DUXA: variants seen among roughly 807,000 people sequenced by gnomAD.
The protein encoded by DUXA is double homeobox A, also known as double homeobox protein A.
In DUXA, 25 loss-of-function variants were observed where a neutral mutation model predicts 27.5. The observed-to-expected ratio is 0.91, with a 90% CI of 0.66 to 1.27. The LOEUF is 1.27. DUXA is among the 50% of genes most tolerant of loss of function. The pLI is 0.00. For synonymous variants in DUXA, 90 were observed against 80.5 expected (o/e 1.12, Z -0.63); for missense variants, 247 against 242.9 (o/e 1.02, Z -0.11).
Position 57,167,433 on chromosome 19 carries a change from T to A in DUXA, c.11A>T (p.Asp4Val), listed in dbSNP as rs371288856. Reference protein sequence around the residue: MAEDTYSHKMVKTN... With the variant: MAEVTYSHKMVKTN... ...AGGGAACTTACTGTGTGAATAGGTG[T>A]CTTCGGCCATGCTGGAAGAGAGTCC... The change falls in exon 1 of 6, where the codon GAC (aspartate) becomes GTC (valine). Residue 4 changes from aspartate (D) to valine (V), a missense_variant. Asp to Val is a radical substitution (Grantham distance 152). Transcript: ENST00000554048. 1.4e-5 allele frequency: 23 copies of A among 1,613,584 alleles called. No homozygotes were observed. The highest frequency in any genetic ancestry group is 1.9e-5 in the Non-Finnish European group (23 of 1,179,892).
At chr19:57,161,960 G>C (rs1018523410) in intron 1 of DUXA, among the ~76,000 whole-genome samples, 1 of 152,030 alleles carries the variant, frequency 6.6e-6, no homozygotes. Flanking sequence ...CGCAATCATG[G>C]CACACTGCAG....
chr19:57,158,598 T>C, intron 3 of DUXA, 125 bp from the exon 4 acceptor site: 2 of 1,163,360 alleles, frequency 1.7e-6, no homozygotes, highest in Non-Finnish European at 2.4e-6. Context: ...TGACTCCTCC[T>C]GAGAGGATCT....
chr19:57,155,477 C>CT, intron 4 of DUXA, 105 bp from the exon 5 acceptor site: 1 of 837,426 alleles, frequency 1.2e-6, no homozygotes. Flanking sequence ...ACAGCGGTCT[C>CT]TCTCAGAGTA....
In DUXA at chr19:57,154,347, A is replaced by G. The variant is rs541461914; in HGVS notation, c.*65T>C. The G allele has an allele frequency of 6.8e-7, 1 of 1,470,560 alleles. No individual in the cohort carries two copies. The highest frequency in any genetic ancestry group is 9.5e-7 in the Non-Finnish European group (1 of 1,053,088). 91.1% of individuals were successfully genotyped at this position (1,470,560 alleles called of 1,614,324 possible). On this transcript the variant is annotated 3_prime_UTR_variant, in exon 6 of 6. Coordinates refer to ENST00000554048, the MANE Select transcript of DUXA (RefSeq NM_001012729.2). Reference sequence around the variant, plus strand: ...AGTTTCAGCAGAAGGATAGACTCCCAGGAAGACCGTGAGACAGATTTGGGG... The same window carrying G: ...AGTTTCAGCAGAAGGATAGACTCCCGGGAAGACCGTGAGACAGATTTGGGG...
At chr19:57,160,530 T>G in intron 2 of DUXA, 113 bp downstream of exon 2, 11 of 1,285,640 alleles carry the variant, frequency 8.6e-6, no homozygotes, top group Non-Finnish European at 1.1e-5. Flanking sequence ...GAGGGTCAGT[T>G]GAGATACTCC....
At chr19:57,155,435 T>C in intron 4 of DUXA, 63 bp from the exon 5 acceptor site, 1 of 1,283,290 alleles carries the variant, frequency 7.8e-7, no homozygotes, top group East Asian at 2.3e-5. Context: ...TCATGATTGC[T>C]TTCTTCTCTT....
At chr19:57,162,195 A>G (rs899571358) in intron 1 of DUXA, among the ~76,000 whole-genome samples, 1 of 151,930 alleles carries the variant, frequency 6.6e-6, no homozygotes, top group Admixed American at 6.6e-5. Context: ...GCCGGAGCAT[A>G]TTTTTTTTAC....
intron 1 of DUXA, among the ~76,000 whole-genome samples, chr19:57,162,978 C>A (rs1240676634): frequency 3.3e-5 from 5 of 151,758 alleles, no homozygotes; most frequent in Non-Finnish European, 5.9e-5. Context: ...TCCTCTTGAA[C>A]CTTGACCTCA....
intron 3 of DUXA, 61 bp downstream of exon 3, chr19:57,159,106 T>A: frequency 7.0e-7 from 1 of 1,438,412 alleles, no homozygotes; most frequent in Non-Finnish European, 9.6e-7. Context: ...TTTTTCAAAG[T>A]CGCAGTTGGC....
chr19:57,160,855 T>G, intron 1 of DUXA, 58 bp from the exon 2 acceptor site: 1 of 1,588,860 alleles, frequency 6.3e-7, no homozygotes. Flanking sequence ...TACTCAAACT[T>G]CAGGTTCAAG....
intron 1 of DUXA, among the ~76,000 whole-genome samples, chr19:57,165,224 G>A (rs2087045214): frequency 6.7e-6 from 1 of 149,180 alleles, no homozygotes; most frequent in African/African-American, 2.5e-5. Flanking sequence ...TTGAGAAATT[G>A]ATCCTCTCTG....
chr19:57,165,319 AAAAAAAT>A (rs1416840199), intron 1 of DUXA, among the ~76,000 whole-genome samples: 3 of 109,900 alleles, frequency 2.7e-5, no homozygotes, highest in Non-Finnish European at 4.1e-5. Context: ...GAAAAAAAAA[AAAAAAAT>A]ATATATATAT....
intron 5 of DUXA, among the ~76,000 whole-genome samples, chr19:57,154,712 C>A (rs111384433): frequency 9.2e-5 from 14 of 152,134 alleles, no homozygotes; most frequent in Non-Finnish European, 1.3e-4. Flanking sequence ...TACAGGCGCC[C>A]GCCACCACGC....
At chr19:57,163,947 G>A (rs1335619496) in intron 1 of DUXA, among the ~76,000 whole-genome samples, 1 of 152,060 alleles carries the variant, frequency 6.6e-6, no homozygotes, top group Non-Finnish European at 1.5e-5. Flanking sequence ...GGGCGTAGGT[G>A]GCTCACACCT....
intron 2 of DUXA, among the ~76,000 whole-genome samples, chr19:57,159,769 A>T (rs895674329): frequency 6.6e-6 from 1 of 151,284 alleles, no homozygotes; most frequent in Non-Finnish European, 1.5e-5. Flanking sequence ...ACATTGTGTG[A>T]CACCATAATC....
Position 57,159,131 on chromosome 19 carries a change from G to T in DUXA, c.292+36C>A, listed in dbSNP as rs556459009. ...TCGCAGTTGGCTCCGCCGTAGAGAA[G>T]CTCTGCTGGGGAACAGAACTAAGAG... On this transcript the variant is annotated intron_variant, in intron 3 of 5. Transcript: ENST00000554048. 5.1e-6 allele frequency: 8 copies of T among 1,571,588 alleles called. No individual in the cohort carries two copies. The South Asian group carries it at 8.0e-5, about 16-fold the overall frequency.
intron 1 of DUXA, among the ~76,000 whole-genome samples, chr19:57,165,776 G>T (rs1242569145): frequency 7.5e-6 from 1 of 133,504 alleles, no homozygotes; most frequent in African/African-American, 2.8e-5. Context: ...CTGCACTCCA[G>T]CCTGGGCGAG....
In DUXA at chr19:57,154,380, G is replaced by A; in HGVS notation, c.*32C>T. ...CGTGAGACAGATTTGGGGTCCAGTT[G>A]ATATTATCAAGTACACTGAATTTGA... On this transcript the variant is annotated 3_prime_UTR_variant, in exon 6 of 6. Transcript: ENST00000554048. The A allele has an allele frequency of 6.3e-7, 1 of 1,594,338 alleles. No homozygotes were observed. The highest frequency in any genetic ancestry group is 8.6e-7 in the Non-Finnish European group (1 of 1,162,702).
intron 4 of DUXA, 58 bp downstream of exon 4, chr19:57,158,270 T>C: frequency 5.0e-6 from 8 of 1,591,126 alleles, no homozygotes; most frequent in Non-Finnish European, 6.9e-6. Flanking sequence ...CCATGTGGCT[T>C]CCCTTCCTGT....
Sources: allele counts gnomAD v4.1 joint callset (sites outside exome capture counted in the v4.1 genomes callset), GRCh38; gene constraint gnomAD v4.1.1; transcripts MANE v1.5; gene names NCBI Gene and HGNC (gene_info 2026-07-23, HGNC 2026-07-21).